The following ABHD3 variants were observed in gnomAD, a reference collection of about 807,000 sequenced individuals.
The protein encoded by ABHD3 is abhydrolase domain containing 3, phospholipase.
Under a neutral mutation model 48.8 loss-of-function variants are expected in ABHD3, and 46 were observed. The ratio of observed to expected loss-of-function variants is 0.94; its 90% confidence interval spans 0.74 to 1.20. The LOEUF (loss-of-function observed/expected upper bound fraction) is 1.20, where lower values mean the gene tolerates loss of function less well. Among genes scored for constraint, ABHD3 ranks in the 50% most tolerant of loss-of-function variants. ABHD3 has a pLI of 0.00. For missense variants in ABHD3, 490 were observed against 497.8 expected (o/e 0.98, Z 0.15); for synonymous variants, 192 against 183.7 (o/e 1.04, Z -0.36).
At chr18:21,659,136 G>T in intron 6 of ABHD3, 34 bp downstream of exon 6, 1 of 1,600,358 alleles carries the variant, frequency 6.2e-7, no homozygotes, top group Non-Finnish European at 8.5e-7. Context: ...ACCGGGCCCG[G>T]CCCTGGAGAC....
intron 2 of ABHD3, among the ~76,000 whole-genome samples, 166 bp downstream of exon 2, chr18:21,703,418 T>C (rs1308830556): frequency 1.3e-5 from 2 of 152,278 alleles, no homozygotes; most frequent in Middle Eastern, 3.4e-3. Context: ...GGTATTTTCC[T>C]GCAGCTGGGG....
intron 5 of ABHD3, 124 bp downstream of exon 5, chr18:21,663,994 A>G: frequency 1.4e-6 from 2 of 1,436,640 alleles, no homozygotes; most frequent in Non-Finnish European, 1.8e-6. Flanking sequence ...TTAATAAAAT[A>G]TGATAAACAT....
At chr18:21,654,394 T>G (rs540251974) in intron 8 of ABHD3, among the ~76,000 whole-genome samples, 1 of 152,242 alleles carries the variant, frequency 6.6e-6, no homozygotes, top group African/African-American at 2.4e-5. Context: ...ATTGACTGTT[T>G]AGACAGTGCT....
chr18:21,665,251 AATT>A (rs1477501096), intron 4 of ABHD3, among the ~76,000 whole-genome samples: 2 of 151,356 alleles, frequency 1.3e-5, no homozygotes, highest in African/African-American at 2.4e-5. Context: ...GGCCAAAAAA[AATT>A]TTTTTGAGAC....
intron 3 of ABHD3, among the ~76,000 whole-genome samples, chr18:21,692,588 A>G (rs1254789816): frequency 1.3e-5 from 2 of 152,238 alleles, no homozygotes; most frequent in African/African-American, 4.8e-5. Context: ...TATATTTCAA[A>G]ACCAGTGGGC....
chr18:21,686,898 T>C (rs145483243), intron 3 of ABHD3, among the ~76,000 whole-genome samples: 191 of 152,308 alleles, frequency 1.3e-3, no homozygotes, highest in African/African-American at 4.2e-3. Flanking sequence ...TCCTAAGGCA[T>C]TGAAAAATCT....
chr18:21,703,211 T>G (rs1343878879), intron 2 of ABHD3, among the ~76,000 whole-genome samples: 1 of 102,360 alleles, frequency 9.8e-6, no homozygotes, highest in Admixed American at 9.0e-5. Flanking sequence ...GGCATCCTTC[T>G]CACCCCACCC....
chr18:21,669,222 A>C (rs1024296577), intron 4 of ABHD3, among the ~76,000 whole-genome samples: 9 of 152,092 alleles, frequency 5.9e-5, no homozygotes, highest in Non-Finnish European at 1.3e-4. Flanking sequence ...TGAGTAAATA[A>C]ACTATATAAA....
intron 2 of ABHD3, 97 bp downstream of exon 2, chr18:21,703,486 TA>T: frequency 6.9e-7 from 1 of 1,441,614 alleles, no homozygotes; most frequent in Non-Finnish European, 9.5e-7. Flanking sequence ...ATATACTTCC[TA>T]AAGCAGATTC....
intron 4 of ABHD3, among the ~76,000 whole-genome samples, chr18:21,678,656 C>A (rs2039941572): frequency 1.3e-5 from 2 of 151,988 alleles, no homozygotes; most frequent in Non-Finnish European, 1.5e-5. Context: ...ACAAAGTAAT[C>A]AACAATGTTA....
At position 21,659,323 on chromosome 18, in the gene ABHD3, A is replaced by C. The variant is rs1232986001; in HGVS notation, c.689T>G (p.Leu230Trp). The C allele has an allele frequency of 6.2e-7, 1 of 1,609,558 alleles. No homozygotes were observed. Among genetic ancestry groups the C allele is most frequent in the Non-Finnish European group, 8.5e-7 (1 of 1,178,898 alleles). ...SMGGMLLLNY[L>W]GKIGSKTPLM... ...AGGCGTTTTGGACCCAATTTTGCCCAAGTAATTTAGAAGCAGCATTCTAAA... is the reference window on the plus strand; with the variant it reads ...AGGCGTTTTGGACCCAATTTTGCCCCAGTAATTTAGAAGCAGCATTCTAAA... The change falls in exon 6 of 9, where the codon TTG becomes TGG. Residue 230 changes from leucine to tryptophan, a missense_variant. Leu to Trp is a moderately conservative substitution (Grantham distance 61). Coordinates refer to ENST00000289119, the MANE Select transcript of ABHD3 (RefSeq NM_138340.5).
chr18:21,681,141 T>C (rs1414998763), intron 4 of ABHD3, among the ~76,000 whole-genome samples: 3 of 152,128 alleles, frequency 2.0e-5, no homozygotes, highest in African/African-American at 7.2e-5. Context: ...AATCTCAGTC[T>C]GTCTCTCTCT....
At chr18:21,667,950 C>T (rs1434861890) in intron 4 of ABHD3, among the ~76,000 whole-genome samples, 1 of 151,672 alleles carries the variant, frequency 6.6e-6, no homozygotes, top group African/African-American at 2.4e-5. Context: ...CCTGGAATTC[C>T]AACACTTTGG....
rs2039902941 is a variant in ABHD3 at position 21,677,229 on chromosome 18, CTG to C, written c.555+6689_555+6690del. 3.9e-5 allele frequency among the ~76,000 whole-genome samples: 6 copies of C among 152,096 alleles called. No homozygotes were observed. The South Asian group carries it at 1.2e-3, about 31-fold the overall frequency. On this transcript the variant is annotated intron_variant, in intron 4 of 8. Coordinates refer to ENST00000289119, the MANE Select transcript of ABHD3 (RefSeq NM_138340.5). ...TTTTTTTTTGAGACAGAGTCTCGCT[CTG>C]TTGCCCAGGCTGGCGTGCAGTGGCA...
intron 3 of ABHD3, 112 bp downstream of exon 3, chr18:21,702,204 G>A (rs2040527865): frequency 1.1e-6 from 1 of 919,146 alleles, no homozygotes; most frequent in African/African-American, 1.7e-5. Flanking sequence ...ATAATTTAAG[G>A]GACTGCTTTT....
intron 2 of ABHD3, among the ~76,000 whole-genome samples, chr18:21,703,223 C>CA (rs1419125937): frequency 2.4e-5 from 3 of 127,548 alleles, no homozygotes; most frequent in Non-Finnish European, 5.1e-5. Flanking sequence ...ACCCCACCCC[C>CA]CCCCCCAGTA....
intron 4 of ABHD3, among the ~76,000 whole-genome samples, chr18:21,673,941 T>C (rs1282820772): frequency 1.3e-5 from 2 of 152,132 alleles, no homozygotes; most frequent in East Asian, 3.9e-4. Context: ...CAGGGGACTC[T>C]AATGGGTGGC....
At chr18:21,676,397 C>A (rs1470506235) in intron 4 of ABHD3, among the ~76,000 whole-genome samples, 1 of 152,128 alleles carries the variant, frequency 6.6e-6, no homozygotes, top group Non-Finnish European at 1.5e-5. Context: ...ATTTTTAAAA[C>A]TAACTTTTTT....
Position 21,702,445 on chromosome 18 carries a change from T to C in ABHD3, c.380A>G (p.Asn127Ser). ...ATCCATATAACACGTACTGTTATCATTATCAAACCAGTCCAGTGAAATCTG... is the reference window on the plus strand; with the variant it reads ...ATCCATATAACACGTACTGTTATCACTATCAAACCAGTCCAGTGAAATCTG... ...GGQISLDWFD[N>S]DNSTCYMDAS... The change falls in exon 3 of 9, where the codon AAT becomes AGT. Residue 127 changes from asparagine (N) to serine (S), a missense_variant. Asn to Ser is a conservative substitution (Grantham distance 46, BLOSUM62 1). Transcript: ENST00000289119. 1 of 1,613,296 alleles carries C rather than the reference T, an allele frequency of 6.2e-7. No homozygotes were observed. Among genetic ancestry groups the C allele is most frequent in the Non-Finnish European group, 8.5e-7 (1 of 1,179,588 alleles).
Sources: allele counts gnomAD v4.1 joint callset (sites outside exome capture counted in the v4.1 genomes callset), GRCh38; gene constraint gnomAD v4.1.1; transcripts MANE v1.5; gene names NCBI Gene and HGNC (gene_info 2026-07-23, HGNC 2026-07-21).